DOCK1: variants seen among roughly 807,000 people sequenced by gnomAD.
The protein encoded by DOCK1 is dedicator of cytokinesis 1.
DOCK1 carries 138 observed loss-of-function variants against 262.7 expected under a neutral mutation model. The observed-to-expected ratio is 0.53, with a 90% CI of 0.46 to 0.61. The LOEUF (loss-of-function observed/expected upper bound fraction) is 0.61, where lower values mean the gene tolerates loss of function less well. Among genes scored for constraint, DOCK1 ranks in the 20% least tolerant of loss-of-function variants. The pLI, the probability that DOCK1 is intolerant of heterozygous loss-of-function variation, is 0.00. For missense variants in DOCK1, 1,908 were observed against 2,370.7 expected, an observed-to-expected ratio of 0.80 and a Z score of 4.05; for synonymous variants, 866 against 867.4, an observed-to-expected ratio of 1.00 and a Z score of 0.03.
chr10:127,344,088 C>G (rs910601240), intron 31 of DOCK1: 1 of 204,294 alleles, frequency 4.9e-6, no homozygotes, highest in Non-Finnish European at 9.7e-6. Context: ...TCGAAAGGAG[C>G]TTCTGATGAA....
intron 27 of DOCK1, among the ~76,000 whole-genome samples, chr10:127,209,322 A>C (rs2057865936): frequency 6.6e-6 from 1 of 152,202 alleles, no homozygotes; most frequent in African/African-American, 2.4e-5. Flanking sequence ...CCTAAGTTGG[A>C]TTTTCATAAA....
chr10:127,006,747 G>A (rs957736629), intron 10 of DOCK1, among the ~76,000 whole-genome samples: 4 of 152,182 alleles, frequency 2.6e-5, no homozygotes, highest in Admixed American at 6.5e-5. Flanking sequence ...ACATGGTCCT[G>A]TGTTCCAGGG....
At chr10:127,431,344 C>T (rs2069274073) in intron 47 of DOCK1, among the ~76,000 whole-genome samples, 2 of 152,194 alleles carry the variant, frequency 1.3e-5, no homozygotes, top group African/African-American at 4.8e-5. Flanking sequence ...AACCCATGGT[C>T]GCACCCAGGG....
intron 32 of DOCK1, among the ~76,000 whole-genome samples, chr10:127,360,715 G>T (rs1277574914): frequency 6.6e-6 from 1 of 152,126 alleles, no homozygotes; most frequent in East Asian, 1.9e-4. Context: ...CAGAGAGTCG[G>T]GTAGGGTCCG....
intron 25 of DOCK1, among the ~76,000 whole-genome samples, chr10:127,111,221 A>C (rs1184173428): frequency 1.3e-5 from 2 of 152,142 alleles, no homozygotes; most frequent in African/African-American, 4.8e-5. Context: ...CTGGGATGCG[A>C]ATTTTAATCT....
At chr10:127,251,066 G>T (rs150340056) in intron 28 of DOCK1, among the ~76,000 whole-genome samples, 42,288 of 151,556 alleles carry the variant, frequency 0.28, 7,182 homozygotes, top group South Asian at 0.55. Context: ...GGGTTCAAGC[G>T]ATTCTCCTGC....
intron 49 of DOCK1, among the ~76,000 whole-genome samples, chr10:127,443,819 T>C (rs370539348): frequency 1.3e-5 from 2 of 152,088 alleles, no homozygotes; most frequent in African/African-American, 4.8e-5. Flanking sequence ...TGCTGCCTCC[T>C]GCCTAGGTAT....
chr10:127,201,343 C>T (rs1214132252), intron 27 of DOCK1, among the ~76,000 whole-genome samples: 1 of 152,226 alleles, frequency 6.6e-6, no homozygotes, highest in Non-Finnish European at 1.5e-5. Context: ...GCCGTGTTTC[C>T]TTCTGGTGGG....
At chr10:127,333,733 C>T (rs185767547) in intron 29 of DOCK1, among the ~76,000 whole-genome samples, 3 of 152,276 alleles carry the variant, frequency 2.0e-5, no homozygotes, top group Non-Finnish European at 2.9e-5. Context: ...AGAGCCTCGC[C>T]GGCCACACCA....
intron 27 of DOCK1, among the ~76,000 whole-genome samples, chr10:127,226,085 A>C (rs2058627772): frequency 6.6e-6 from 1 of 151,878 alleles, no homozygotes; most frequent in South Asian, 2.1e-4. Context: ...GTCTCAAAAA[A>C]AAAAAAAAAA....
At chr10:127,411,014 G>A in intron 43 of DOCK1, 90 bp downstream of exon 43, 2 of 1,275,084 alleles carry the variant, frequency 1.6e-6, no homozygotes, top group South Asian at 1.3e-5. Context: ...GGCCTCAGAG[G>A]CAGCCACGGA....
rs140588119 is a variant in DOCK1, at chr10:127,406,836, C to T, written c.4123-2201C>T. Among the ~76,000 whole-genome samples, 959 of 152,208 alleles carry T rather than the reference C, an allele frequency of 6.3e-3. 16 individuals carry two copies. Among genetic ancestry groups the T allele is most frequent in the African/African-American group, 0.022 (896 of 41,520 alleles). On this transcript the variant is annotated intron_variant, in intron 40 of 51. Transcript: ENST00000623213. ...CTCACTAGCTTTTTTCTATTAAAGT[C>T]TTTATATACATTTTTATTATTATGT...
chr10:127,051,723 C>T (rs886331432), intron 21 of DOCK1, among the ~76,000 whole-genome samples: 2 of 152,252 alleles, frequency 1.3e-5, no homozygotes, highest in South Asian at 4.1e-4. Flanking sequence ...GCTAGGACTA[C>T]AGCCATATGC....
chr10:127,239,785 T>C (rs2059199113), intron 27 of DOCK1, among the ~76,000 whole-genome samples: 1 of 152,174 alleles, frequency 6.6e-6, no homozygotes, highest in African/African-American at 2.4e-5. Context: ...ATATTGAGTA[T>C]ATAAAAATAA....
chr10:127,049,170 A>C (rs1457439729), intron 21 of DOCK1, among the ~76,000 whole-genome samples: 10 of 152,244 alleles, frequency 6.6e-5, no homozygotes. Flanking sequence ...GAGGGAATTA[A>C]AAGTACAGTA....
intron 29 of DOCK1, among the ~76,000 whole-genome samples, chr10:127,292,740 A>G (rs76052045): frequency 0.059 from 8,997 of 152,174 alleles, 327 homozygotes; most frequent in Non-Finnish European, 0.086. Flanking sequence ...CACATTATTT[A>G]AGAAGAAATA....
At chr10:127,015,039 A>G (rs1459548370) in intron 12 of DOCK1, 4 of 152,176 alleles carry the variant, frequency 2.6e-5, no homozygotes, top group East Asian at 3.9e-4. Flanking sequence ...AGTGAAATGC[A>G]CATTCTGGGC....
At chr10:127,119,382 G>C (rs543108224) in intron 25 of DOCK1, among the ~76,000 whole-genome samples, 1 of 152,130 alleles carries the variant, frequency 6.6e-6, no homozygotes, top group Non-Finnish European at 1.5e-5. Flanking sequence ...CCGATGGTGC[G>C]TAGAGGTGCA....
chr10:127,374,811 C>T (rs1242004151), intron 35 of DOCK1, among the ~76,000 whole-genome samples: 1 of 152,154 alleles, frequency 6.6e-6, no homozygotes, highest in Non-Finnish European at 1.5e-5. Flanking sequence ...CAGTCTCAAG[C>T]CAAGGAATGC....
Sources: allele counts gnomAD v4.1 joint callset (sites outside exome capture counted in the v4.1 genomes callset), GRCh38; gene constraint gnomAD v4.1.1; transcripts MANE v1.5; gene names NCBI Gene and HGNC (gene_info 2026-07-23, HGNC 2026-07-21).